RYR2: variants seen among roughly 807,000 people sequenced by gnomAD.
RYR2 encodes cardiac muscle ryanodine receptor-calcium release channel.
A neutral mutation model predicts 601.1 loss-of-function variants in RYR2; 227 were observed. The ratio of observed to expected loss-of-function variants is 0.38; its 90% confidence interval spans 0.34 to 0.42. RYR2 has a LOEUF of 0.42. Ranked by LOEUF, RYR2 falls within the 10% of genes least tolerant of loss-of-function variation. RYR2 has a pLI of 1.00. For missense variants in RYR2, 4,646 were observed against 6,156.5 expected, an observed-to-expected ratio of 0.75 and a Z score of 8.21; for synonymous variants, 2,223 against 2,175.1, an observed-to-expected ratio of 1.02 and a Z score of -0.61.
chr1:237,724,277 G>T (rs1573682803), intron 74 of RYR2, among the ~76,000 whole-genome samples: 2 of 146,102 alleles, frequency 1.4e-5, no homozygotes, highest in African/African-American at 5.1e-5. Flanking sequence ...ATTTTGTATT[G>T]CCTTTAGCCA....
chr1:237,110,526 T>C (rs531229169), intron 1 of RYR2, among the ~76,000 whole-genome samples: 10 of 152,052 alleles, frequency 6.6e-5, no homozygotes, highest in African/African-American at 2.4e-4. Flanking sequence ...TATGGTTTTT[T>C]GTCCTTTCGA....
intron 46 of RYR2, among the ~76,000 whole-genome samples, chr1:237,640,510 T>G (rs1232612779): frequency 6.6e-6 from 1 of 152,196 alleles, no homozygotes; most frequent in African/African-American, 2.4e-5. Flanking sequence ...GTATGCCATC[T>G]TTGTCACCCT....
intron 1 of RYR2, among the ~76,000 whole-genome samples, chr1:237,190,196 T>A (rs1037384744): frequency 2.6e-5 from 4 of 152,126 alleles, no homozygotes; most frequent in African/African-American, 9.7e-5. Flanking sequence ...GCCATACTGT[T>A]TTCTATAATG....
rs1688598517 is a variant in RYR2 at position 237,708,944 on chromosome 1, G to A, written c.9988G>A (p.Ala3330Thr). Residue 3330 changes from alanine to threonine, a missense_variant, in exon 69 of 105, where the codon GCA becomes ACA. By Grantham distance (58) the Ala-to-Thr change is moderately conservative (BLOSUM62 0). Coordinates refer to ENST00000366574, the MANE Select transcript of RYR2 (RefSeq NM_001035.3). ...LPLMEKLKKK[A>T]ATVVSEEDHL... ...GTTAATGGAGAAACTCAAGAAAAAG[G>A]CAGCTACGGTGGTGTCTGAGGAAGA... 1.2e-6 allele frequency: 2 copies of A among 1,613,426 alleles called. No individual in the cohort carries two copies. Among genetic ancestry groups the A allele is most frequent in the Admixed American group, 1.7e-5 (1 of 59,964 alleles).
chr1:237,688,465 C>A (rs1686641703), intron 63 of RYR2, among the ~76,000 whole-genome samples: 1 of 151,888 alleles, frequency 6.6e-6, no homozygotes, highest in Non-Finnish European at 1.5e-5. Context: ...CTTCACATTA[C>A]ACTTTTTGAG....
At chr1:237,643,511 T>G in intron 48 of RYR2, 64 bp downstream of exon 48, 1 of 1,601,464 alleles carries the variant, frequency 6.2e-7, no homozygotes, top group Non-Finnish European at 8.6e-7. Flanking sequence ...TTCTAAAGAA[T>G]GTTTTCCGTA....
chr1:237,522,291 A>C (rs768411874), intron 24 of RYR2, among the ~76,000 whole-genome samples: 1 of 152,236 alleles, frequency 6.6e-6, no homozygotes, highest in Non-Finnish European at 1.5e-5. Flanking sequence ...ACAATAGCTG[A>C]TGAGCTAAAT....
chr1:237,049,611 G>C (rs1375689657), intron 1 of RYR2, among the ~76,000 whole-genome samples: 1 of 152,130 alleles, frequency 6.6e-6, no homozygotes, highest in East Asian at 1.9e-4. Context: ...ATGATCCTGG[G>C]GTCCCTGGAA....
In RYR2 at chr1:237,417,084, A is replaced by C; in HGVS notation, c.809A>C (p.His270Pro). 2 of 1,613,894 alleles carry C rather than the reference A, an allele frequency of 1.2e-6. No individual in the cohort carries two copies. The highest frequency in any genetic ancestry group is 2.2e-5 in the South Asian group (2 of 91,072). The change falls in exon 11 of 105, where the codon CAT becomes CCT. Residue 270 changes from histidine to proline, a missense_variant. Coordinates refer to ENST00000366574, the MANE Select transcript of RYR2 (RefSeq NM_001035.3). ...VHYEGGAVSV[H>P]ARSLWRLETL... ...TATGAAGGTGGCGCTGTGTCTGTTC[A>C]TGCACGTTCCCTTTGGAGACTAGAG...
rs548558563 is a variant in RYR2 at position 237,296,499 on chromosome 1, A to G, written c.168+25883A>G. ...AGAAAGAGGAATTAAAGAGTTTTGG[A>G]TTTGAGGACATTGTTGAGATGAGGA... is the stretch of plus-strand genomic sequence containing the variant. On this transcript the variant is annotated intron_variant, in intron 2 of 104. Transcript: ENST00000366574. 2.1e-4 allele frequency among the ~76,000 whole-genome samples: 32 copies of G among 152,266 alleles called. No individual in the cohort carries two copies. The South Asian group carries it at 2.7e-3, about 13-fold the overall frequency.
chr1:237,675,472 G>A (rs1018783308), intron 60 of RYR2, among the ~76,000 whole-genome samples: 3 of 152,184 alleles, frequency 2.0e-5, no homozygotes, highest in African/African-American at 7.2e-5. Flanking sequence ...AATTCGACTT[G>A]TTAATTTCTT....
chr1:237,409,786 A>G (rs1704262385), intron 10 of RYR2, among the ~76,000 whole-genome samples: 1 of 152,100 alleles, frequency 6.6e-6, no homozygotes, highest in African/African-American at 2.4e-5. Flanking sequence ...CTTTGTCCCT[A>G]TTATATTCTA....
intron 12 of RYR2, among the ~76,000 whole-genome samples, chr1:237,432,534 T>C (rs1173295088): frequency 6.6e-6 from 1 of 152,122 alleles, no homozygotes; most frequent in Non-Finnish European, 1.5e-5. Context: ...GGATGGACAT[T>C]TTTTATGCCC....
intron 60 of RYR2, among the ~76,000 whole-genome samples, chr1:237,676,103 A>C (rs1685373068): frequency 6.6e-6 from 1 of 152,168 alleles, no homozygotes; most frequent in African/African-American, 2.4e-5. Context: ...ACAAAGCTAA[A>C]TATTGCAATT....
At chr1:237,755,569 A>G (rs934392414) in intron 80 of RYR2, among the ~76,000 whole-genome samples, 8 of 152,176 alleles carry the variant, frequency 5.3e-5, no homozygotes, top group African/African-American at 1.9e-4. Flanking sequence ...ACCAGTCTTG[A>G]ACTTGCTGTG....
chr1:237,499,621 T>G (rs1247672327), intron 20 of RYR2, among the ~76,000 whole-genome samples: 3 of 152,104 alleles, frequency 2.0e-5, no homozygotes. Context: ...AGACACTTGA[T>G]AGTGAATTTA....
Position 237,614,052 on chromosome 1 carries a change from T to G in RYR2, c.4924T>G (p.Leu1642Val). The G allele has an allele frequency of 6.2e-7, 1 of 1,612,930 alleles. No homozygotes were observed. The highest frequency in any genetic ancestry group is 1.3e-5 in the African/African-American group (1 of 75,046). Residue 1642 changes from leucine to valine, a missense_variant, in exon 37 of 105, where the codon TTA becomes GTA. This residue lies in a region of RYR2 where 1,807 missense variants were observed against 2,088.1 expected (regional missense o/e 0.87). Transcript: ENST00000366574. The surrounding 1 kb of genome is among the most constrained non-coding windows in gnomAD (Gnocchi z 4.3). ...IPEENRSVDI[L>V]ELTEQEELLK... is the part of the protein sequence containing the mutation. The stretch of plus-strand genomic sequence containing the variant: ...TCCCTTCTACAGATCTGTTGACATC[T>G]TAGAGTTGACAGAGCAGGAGGAATT...
intron 8 of RYR2, among the ~76,000 whole-genome samples, chr1:237,385,543 G>T (rs772496313): frequency 2.6e-5 from 4 of 152,182 alleles, no homozygotes; most frequent in Admixed American, 6.5e-5. Context: ...AACCCATGAT[G>T]AATTAACAAA....
At chr1:237,830,472 G>A (rs1663647746) in intron 102 of RYR2, 58 bp from the exon 103 acceptor site, 1 of 1,041,888 alleles carries the variant, frequency 9.6e-7, no homozygotes, top group Admixed American at 1.7e-5. Flanking sequence ...GGCGAGTTGT[G>A]TTTTCCTTTT....
Sources: allele counts gnomAD v4.1 joint callset (sites outside exome capture counted in the v4.1 genomes callset), GRCh38; gene constraint gnomAD v4.1.1; regional missense constraint gnomAD v4.1.1; non-coding constraint Gnocchi (gnomAD v3.1); transcripts MANE v1.5; gene names NCBI Gene and HGNC (gene_info 2026-07-23, HGNC 2026-07-21).